The following PAX8 variants were observed in gnomAD, a reference collection of about 807,000 sequenced individuals.
The protein encoded by PAX8 is paired box protein Pax-8.
In PAX8, 15 loss-of-function variants were observed where a neutral mutation model predicts 52.4. The observed-to-expected ratio is 0.29, with a 90% CI of 0.19 to 0.44. The LOEUF (loss-of-function observed/expected upper bound fraction) is 0.44, where lower values mean the gene tolerates loss of function less well. Ranked by LOEUF, PAX8 falls within the 20% of genes least tolerant of loss-of-function variation. The pLI, the probability that PAX8 is intolerant of heterozygous loss-of-function variation, is 1.00. For synonymous variants in PAX8, 284 were observed against 249.7 expected, an observed-to-expected ratio of 1.14 and a Z score of -1.29; for missense variants, 554 against 602.5, an observed-to-expected ratio of 0.92 and a Z score of 0.84.
intron 5 of PAX8, 83 bp downstream of exon 5, chr2:113,242,607 T>G (rs1690954549): frequency 7.7e-6 from 7 of 907,100 alleles, no homozygotes; most frequent in Non-Finnish European, 1.3e-5. Context: ...GGTGTGTCTG[T>G]GTGTGCCTCT....
chr2:113,264,064 G>T (rs1692885105), intron 2 of PAX8, among the ~76,000 whole-genome samples: 1 of 152,210 alleles, frequency 6.6e-6, no homozygotes, highest in African/African-American at 2.4e-5. Context: ...TTCCCAGTCT[G>T]CAGGAATTAC....
At chr2:113,244,359 G>A in intron 4 of PAX8, 68 bp downstream of exon 4, 1 of 1,241,264 alleles carries the variant, frequency 8.1e-7, no homozygotes, top group Non-Finnish European at 1.2e-6. Flanking sequence ...GGCCTTTCTT[G>A]TCTCTTTCCT....
chr2:113,230,410 C>T (rs945744216), intron 9 of PAX8: 3 of 152,410 alleles, frequency 2.0e-5, no homozygotes, highest in Admixed American at 6.5e-5. Context: ...GGTGCCCCCA[C>T]GGGGCTCCAC....
intron 2 of PAX8, among the ~76,000 whole-genome samples, chr2:113,254,969 C>T (rs1692089549): frequency 6.6e-6 from 1 of 151,052 alleles, no homozygotes; most frequent in South Asian, 2.1e-4. Flanking sequence ...GACATAGTCT[C>T]AGTAAGCAGA....
intron 10 of PAX8, chr2:113,226,465 A>G: frequency 1.0e-6 from 1 of 988,506 alleles, no homozygotes; most frequent in Non-Finnish European, 1.2e-6. Context: ...TGTCATCTTG[A>G]ATCATCATTG....
At chr2:113,243,397 C>CT (rs5833491) in intron 4 of PAX8, among the ~76,000 whole-genome samples, 1 of 150,058 alleles carries the variant, frequency 6.7e-6, no homozygotes, top group African/African-American at 2.5e-5. Context: ...TTCTTTCTTT[C>CT]TTTTTTTTTT....
At chr2:113,221,775 A>T (rs146894066) in intron 10 of PAX8, among the ~76,000 whole-genome samples, 386 of 152,302 alleles carry the variant, frequency 2.5e-3, no homozygotes, top group African/African-American at 9.0e-3. Context: ...AGGCATTTAT[A>T]CAGGAAGAAG....
At position 113,236,939 on chromosome 2, in the gene PAX8, G is replaced by A; in HGVS notation, c.778-218C>T. On this transcript the variant is annotated intron_variant, in intron 7 of 11. Coordinates refer to ENST00000429538, the MANE Select transcript of PAX8 (RefSeq NM_003466.4). Reference sequence around the variant, plus strand: ...GAATTCAAGGCCAGCTGGTAGCATGGGTGCCCAGACGTGGGATAGAGAGTC... The same window carrying A: ...GAATTCAAGGCCAGCTGGTAGCATGAGTGCCCAGACGTGGGATAGAGAGTC... 6.8e-6 allele frequency: 4 copies of A among 586,294 alleles called. No homozygotes were observed. In the South Asian group the frequency reaches 8.8e-5, roughly 13 times the overall value. The allele number at this position is 586,294 out of a possible 1,614,324, so 36.3% of individuals were successfully genotyped here.
intron 2 of PAX8, chr2:113,263,376 C>A (rs1056781643): frequency 1.3e-5 from 2 of 152,824 alleles, no homozygotes; most frequent in Non-Finnish European, 2.9e-5. Context: ...CTTTCAAGAA[C>A]TTTCTGACCC....
chr2:113,264,126 C>A (rs1692888316), intron 2 of PAX8, among the ~76,000 whole-genome samples: 1 of 152,152 alleles, frequency 6.6e-6, no homozygotes, highest in South Asian at 2.1e-4. Flanking sequence ...TAAATCTGAC[C>A]AATTACCCTG....
chr2:113,246,802 G>A lies in PAX8; in HGVS notation c.143C>T (p.Ser48Phe), dbSNP rs121917719. The A allele has an allele frequency of 6.2e-7, 1 of 1,614,148 alleles. No individual in the cohort carries two copies. Among genetic ancestry groups the A allele is most frequent in the Non-Finnish European group, 8.5e-7 (1 of 1,179,960 alleles). The change falls in exon 3 of 12, where the codon TCT becomes TTT. Residue 48 changes from serine (S) to phenylalanine (F), a missense_variant. Physicochemically the swap from Ser to Phe is radical, Grantham distance 155. Around this residue, in one of 2 missense-constraint regions of PAX8, gnomAD observed 109 missense variants for 192.7 expected, o/e 0.57. Transcript: ENST00000429538. ...AHQGVRPCDI[S>F]RQLRVSHGCV... ...GCCATGGCTGACGCGGAGCTGGCGA[G>A]AGATGTCGCAGGGCCTTACACCCTG... is the stretch of plus-strand genomic sequence containing the variant.
intron 2 of PAX8, among the ~76,000 whole-genome samples, chr2:113,257,758 A>G (rs1692366789): frequency 6.6e-6 from 1 of 152,192 alleles, no homozygotes; most frequent in African/African-American, 2.4e-5. Flanking sequence ...CCTCTTCCCC[A>G]TTAGTCAATG....
At position 113,242,603 on chromosome 2, in the gene PAX8, TCTGTGTGTGC is replaced by T; in HGVS notation, c.478+77_478+86del. 3 of 894,038 alleles carry T rather than the reference TCTGTGTGTGC, an allele frequency of 3.4e-6. No homozygotes were observed. In the South Asian group the frequency reaches 3.9e-5, roughly 12 times the overall value. 55.4% of individuals were successfully genotyped at this position (894,038 alleles called of 1,614,324 possible). ...GCACAGCTATGTCTGTGTGGGTGTG[TCTGTGTGTGC>T]CTCTGTGTATATGTGGGTATGCTGA... On this transcript the variant is annotated intron_variant, in intron 5 of 11. Coordinates refer to ENST00000429538, the MANE Select transcript of PAX8 (RefSeq NM_003466.4).
chr2:113,241,410 G>A lies in PAX8; in HGVS notation c.777+141C>T. On this transcript the variant is annotated intron_variant, in intron 7 of 11. Transcript: ENST00000429538. ...ATCTGGTAAAATAAAGCATGTGTCA[G>A]GCTTGGAGTTGCATAAGGCAGGTGC... 3 of 794,460 alleles carry A rather than the reference G, an allele frequency of 3.8e-6. No individual in the cohort carries two copies. In the Admixed American group the frequency reaches 6.0e-5, roughly 16 times the overall value. 49.2% of individuals were successfully genotyped at this position (794,460 alleles called of 1,614,324 possible).
rs553810332 is a variant in PAX8, at chr2:113,253,120, C to G, written c.26-6201G>C. 6.6e-5 allele frequency among the ~76,000 whole-genome samples: 10 copies of G among 152,300 alleles called. No homozygotes were observed. The South Asian group carries it at 2.1e-3, about 32-fold the overall frequency. On this transcript the variant is annotated intron_variant, in intron 2 of 11. Coordinates refer to ENST00000429538, the MANE Select transcript of PAX8 (RefSeq NM_003466.4). Reference sequence around the variant, plus strand: ...CTTGAAGAGATTTTAGTGACAATCCCATCTCCTGATTCCTTATACCTTCAG... The same window carrying G: ...CTTGAAGAGATTTTAGTGACAATCCGATCTCCTGATTCCTTATACCTTCAG...
intron 10 of PAX8, among the ~76,000 whole-genome samples, chr2:113,224,987 T>A (rs918669755): frequency 1.2e-4 from 18 of 152,114 alleles, no homozygotes; most frequent in African/African-American, 4.1e-4. Context: ...TAGGAGGCAG[T>A]ATGGTGTAGA....
intron 5 of PAX8, 33 bp downstream of exon 5, chr2:113,242,657 C>T (rs745654761): frequency 7.0e-7 from 1 of 1,434,752 alleles, no homozygotes; most frequent in South Asian, 1.1e-5. Flanking sequence ...TGTACACGAG[C>T]ATGTGTGTGT....
At chr2:113,277,183 G>T (rs1001966085) in intron 2 of PAX8, among the ~76,000 whole-genome samples, 6 of 152,198 alleles carry the variant, frequency 3.9e-5, no homozygotes, top group African/African-American at 1.2e-4. Flanking sequence ...TCTGGCCCAG[G>T]TCTCTGAGGG....
chr2:113,238,588 A>C (rs929073745), intron 7 of PAX8: 4 of 152,098 alleles, frequency 2.6e-5, no homozygotes, highest in African/African-American at 9.7e-5. Context: ...CTTCCCAGTG[A>C]TTATTGGGCT....
Sources: gnomAD v4.1 joint callset for allele counts (sites outside exome capture counted in the v4.1 genomes callset) on GRCh38, gnomAD v4.1.1 for gene constraint, gnomAD v4.1.1 regional missense constraint, MANE v1.5 for transcripts, NCBI Gene and HGNC (gene_info 2026-07-23, HGNC 2026-07-21) for gene names.